The following CCDC192 variants were observed in gnomAD, a reference collection of about 807,000 sequenced individuals.
The protein encoded by CCDC192 is coiled-coil domain-containing protein 192.
chr5:127,884,930 G>C (rs1198084393), intron 6 of CCDC192, among the ~76,000 whole-genome samples: 1 of 152,096 alleles, frequency 6.6e-6, no homozygotes, highest in Non-Finnish European at 1.5e-5. Flanking sequence ...AGGGCAAAAA[G>C]ATCTACCCTG....
intron 5 of CCDC192, among the ~76,000 whole-genome samples, chr5:127,836,562 C>T (rs1392627253): frequency 6.6e-6 from 1 of 152,236 alleles, no homozygotes; most frequent in Non-Finnish European, 1.5e-5. Context: ...TCTGCCTGGA[C>T]ATCCAGGCAT....
At chr5:127,795,592 T>G (rs1031110108) in intron 3 of CCDC192, among the ~76,000 whole-genome samples, 2 of 152,106 alleles carry the variant, frequency 1.3e-5, no homozygotes, top group Non-Finnish European at 2.9e-5. Context: ...TTGAGATTTT[T>G]TTTTTTAAGA....
At chr5:127,757,513 G>GAA (rs983165724) in intron 3 of CCDC192, among the ~76,000 whole-genome samples, 1 of 151,876 alleles carries the variant, frequency 6.6e-6, no homozygotes, top group Non-Finnish European at 1.5e-5. Flanking sequence ...TCTCTTCCTT[G>GAA]AAAACATAAA....
chr5:127,893,809 G>A (rs1429099813), intron 6 of CCDC192, among the ~76,000 whole-genome samples: 1 of 152,094 alleles, frequency 6.6e-6, no homozygotes, highest in Non-Finnish European at 1.5e-5. Flanking sequence ...ACCAGGCTTT[G>A]TAAGTTACAC....
At chr5:127,808,335 T>C (rs1266741382) in intron 5 of CCDC192, among the ~76,000 whole-genome samples, 3 of 152,160 alleles carry the variant, frequency 2.0e-5, no homozygotes, top group Non-Finnish European at 4.4e-5. Context: ...CTACCTTTTT[T>C]TTCAAGCTAC....
intron 5 of CCDC192, among the ~76,000 whole-genome samples, chr5:127,851,425 T>C (rs1750791195): frequency 6.6e-6 from 1 of 152,084 alleles, no homozygotes; most frequent in South Asian, 2.1e-4. Context: ...ATATCAACTA[T>C]CCATGTCTTT....
At chr5:127,921,492 A>G (rs1267760194) in intron 6 of CCDC192, among the ~76,000 whole-genome samples, 1 of 152,216 alleles carries the variant, frequency 6.6e-6, no homozygotes, top group African/African-American at 2.4e-5. Context: ...AAGGCATAAG[A>G]AGCTTAAATG....
At chr5:127,737,291 G>T (rs1323152344) in intron 2 of CCDC192, among the ~76,000 whole-genome samples, 1 of 152,228 alleles carries the variant, frequency 6.6e-6, no homozygotes, top group East Asian at 1.9e-4. Flanking sequence ...TGTGGTCTGA[G>T]AGATAGTTTG....
At chr5:127,889,189 G>A (rs1752658467) in intron 6 of CCDC192, among the ~76,000 whole-genome samples, 8 of 152,174 alleles carry the variant, frequency 5.3e-5, no homozygotes, top group Admixed American at 4.6e-4. Flanking sequence ...GCTGCTGAAC[G>A]CTTTTACTTC....
At chr5:127,793,277 A>G (rs962647047) in intron 3 of CCDC192, among the ~76,000 whole-genome samples, 2 of 152,254 alleles carry the variant, frequency 1.3e-5, no homozygotes, top group African/African-American at 2.4e-5. Context: ...CATGAGTTAA[A>G]TATATCTGAG....
chr5:127,886,330 A>C (rs1580795883), intron 6 of CCDC192, among the ~76,000 whole-genome samples: 1 of 152,320 alleles, frequency 6.6e-6, no homozygotes, highest in Non-Finnish European at 1.5e-5. Flanking sequence ...TTTGAATAGA[A>C]CTTGGCAAAC....
At chr5:127,744,214 G>A (rs1378152635) in intron 2 of CCDC192, among the ~76,000 whole-genome samples, 1 of 151,862 alleles carries the variant, frequency 6.6e-6, no homozygotes, top group Non-Finnish European at 1.5e-5. Flanking sequence ...GGAGCGGGGA[G>A]AGATGAAATA....
chr5:127,787,735 T>G (rs560021704), intron 3 of CCDC192, among the ~76,000 whole-genome samples: 18 of 152,346 alleles, frequency 1.2e-4, no homozygotes, highest in Non-Finnish European at 2.2e-4. Flanking sequence ...TCTGTCATAC[T>G]ACGTCTGTTA....
Position 127,829,359 on chromosome 5 carries a change from T to A in CCDC192, c.411+31197T>A, listed in dbSNP as rs182313710. Among the ~76,000 whole-genome samples, 5 of 131,446 alleles carry A rather than the reference T, an allele frequency of 3.8e-5. No individual in the cohort carries two copies. In the Admixed American group the frequency reaches 4.0e-4, roughly 11 times the overall value. 86.2% of individuals were successfully genotyped at this position (131,446 alleles called of 152,430 possible). On this transcript the variant is annotated intron_variant, in intron 5 of 6. Transcript: ENST00000514853. ...GAAATTTAGATCCTCTTTTATATGTTTTCCTAGAATTGTTTTTTGGTAATT... is the reference window on the plus strand; with the variant it reads ...GAAATTTAGATCCTCTTTTATATGTATTCCTAGAATTGTTTTTTGGTAATT...
chr5:127,841,413 T>C (rs1177315598), intron 5 of CCDC192, among the ~76,000 whole-genome samples: 4 of 152,206 alleles, frequency 2.6e-5, no homozygotes, highest in Non-Finnish European at 5.9e-5. Context: ...CAACATTTTG[T>C]GTGGGTGTTG....
chr5:127,939,110 CT>C (rs59545987), intron 6 of CCDC192, among the ~76,000 whole-genome samples: 4,205 of 83,150 alleles, frequency 0.051, 56 homozygotes, highest in East Asian at 0.22. Flanking sequence ...AAACCAACAT[CT>C]TTTTTTTTTT....
chr5:127,877,878 A>G (rs1386708395), intron 6 of CCDC192, among the ~76,000 whole-genome samples: 2 of 152,166 alleles, frequency 1.3e-5, no homozygotes, highest in African/African-American at 4.8e-5. Context: ...CTCTGTTTGC[A>G]AATGAAAGAT....
At chr5:127,876,486 C>T (rs1752083581) in intron 6 of CCDC192, among the ~76,000 whole-genome samples, 1 of 152,208 alleles carries the variant, frequency 6.6e-6, no homozygotes, top group African/African-American at 2.4e-5. Context: ...AGAGCAGCCG[C>T]TGACCATACC....
At chr5:127,821,407 A>G (rs934863214) in intron 5 of CCDC192, among the ~76,000 whole-genome samples, 2 of 152,214 alleles carry the variant, frequency 1.3e-5, no homozygotes, top group Admixed American at 6.5e-5. Context: ...CCTCTTTTTC[A>G]GGAAATCCAA....
Sources: gnomAD v4.1 joint callset for allele counts (sites outside exome capture counted in the v4.1 genomes callset) on GRCh38, gnomAD v4.1.1 for gene constraint, MANE v1.5 for transcripts, NCBI Gene and HGNC (gene_info 2026-07-23, HGNC 2026-07-21) for gene names.